INF2: variants seen among roughly 807,000 people sequenced by gnomAD.
INF2 encodes the protein inverted formin-2.
Under a neutral mutation model 123.5 loss-of-function variants are expected in INF2, and 43 were observed. The observed-to-expected ratio is 0.35, with a 90% confidence interval of 0.27 to 0.45. The LOEUF is 0.45. Ranked by LOEUF, INF2 falls within the 20% of genes least tolerant of loss-of-function variation. The pLI is 1.00. For missense variants in INF2, 1,453 were observed against 1,682.7 expected (o/e 0.86, Z 2.39); for synonymous variants, 851 against 745.0 (o/e 1.14, Z -2.32).
intron 15 of INF2, 51 bp downstream of exon 15, chr14:104,711,237 C>T: frequency 1.4e-6 from 2 of 1,448,308 alleles, no homozygotes; most frequent in Non-Finnish European, 1.9e-6. Flanking sequence ...TCCCCCCGGA[C>T]CTGGGGTGTA....
At chr14:104,706,291 T>A in intron 6 of INF2, 115 bp downstream of exon 6, 4 of 1,090,398 alleles carry the variant, frequency 3.7e-6, no homozygotes, top group African/African-American at 1.6e-5. Flanking sequence ...TGCTGTGACC[T>A]GGGCCATGGT....
rs1172906081 is a variant in INF2 at position 104,713,527 on chromosome 14, G to A, written c.2961G>A (p.Arg987=). ...LADIRKGFQL[R]KTARGRGDTD... ...ACATCAGGAAGGGCTTCCAGCTGCG[G>A]AAGACAGCCCGGGGCCGCGGGGACA... The change falls in exon 20 of 23, where the codon CGG becomes CGA. Residue 987 remains arginine, a synonymous_variant. Transcript: ENST00000392634. 1 of 1,611,600 alleles carries A rather than the reference G, an allele frequency of 6.2e-7. No individual in the cohort carries two copies. Among genetic ancestry groups the A allele is most frequent in the African/African-American group, 1.3e-5 (1 of 74,910 alleles).
At chr14:104,694,928 C>T (rs1889116214) in intron 1 of INF2, among the ~76,000 whole-genome samples, 1 of 152,174 alleles carries the variant, frequency 6.6e-6, no homozygotes, top group Admixed American at 6.5e-5. Flanking sequence ...AGGACCTGAA[C>T]CCTGAAGCCG....
intron 1 of INF2, among the ~76,000 whole-genome samples, chr14:104,696,086 C>T (rs1452222406): frequency 6.6e-6 from 1 of 152,210 alleles, no homozygotes; most frequent in Non-Finnish European, 1.5e-5. Flanking sequence ...AAATCCGTCA[C>T]CATGCGGCCT....
chr14:104,698,050 G>A (rs1009117714), intron 1 of INF2, among the ~76,000 whole-genome samples: 2 of 152,256 alleles, frequency 1.3e-5, no homozygotes, highest in African/African-American at 2.4e-5. Context: ...TGCGAAGAAC[G>A]CAAATTCCTG....
rs1890489769 is a variant in INF2, at chr14:104,720,012, A to G, written c.*1219A>G. 6.6e-6 allele frequency: 1 copy of G among 152,468 alleles called. No homozygotes were observed. Among genetic ancestry groups the G allele is most frequent in the Non-Finnish European group, 1.5e-5 (1 of 68,224 alleles). The allele number at this position is 152,468 out of a possible 1,614,324, so 9.4% of individuals were successfully genotyped here. ...GCAGATCAAGTTTGTGCAATGATCC[A>G]TTTTGAGAATCTCTCCGTCACCCCA... On this transcript the variant is annotated 3_prime_UTR_variant, in exon 23 of 23. Coordinates refer to ENST00000392634, the MANE Select transcript of INF2 (RefSeq NM_022489.4).
rs1020914793 is a variant in INF2 at position 104,699,220 on chromosome 14, G to A, written c.-9-2137G>A. Among the ~76,000 whole-genome samples the A allele has an allele frequency of 6.6e-6, 1 of 152,110 alleles. No individual in the cohort carries two copies. The highest frequency in any genetic ancestry group is 1.5e-5 in the Non-Finnish European group (1 of 68,020). On this transcript the variant is annotated intron_variant, in intron 1 of 22. Transcript: ENST00000392634. The surrounding 1 kb of genome is among the most constrained non-coding windows in gnomAD (Gnocchi z 4.7). Reference sequence around the variant, plus strand: ...GACCCCCGGGGCTCTTGGCTGGAGAGGACACTCTGGATGCCAGGGGCCGGG... The same window carrying A: ...GACCCCCGGGGCTCTTGGCTGGAGAAGACACTCTGGATGCCAGGGGCCGGG...
At chr14:104,711,878 C>T (rs893842960) in intron 16 of INF2, among the ~76,000 whole-genome samples, 179 bp downstream of exon 16, 20 of 152,200 alleles carry the variant, frequency 1.3e-4, no homozygotes, top group African/African-American at 4.3e-4. Flanking sequence ...CTGCCGTGGC[C>T]TATCCCCTTC....
chr14:104,681,485 AG>A (rs1566767076), exon 1 of INF2: 1 of 1,028,832 alleles, frequency 9.7e-7, no homozygotes. Flanking sequence ...GCTAAGCCCT[AG>A]TTACCGGCAC....
At chr14:104,716,796 T>G (rs575634762) in intron 22 of INF2, among the ~76,000 whole-genome samples, 126 of 152,328 alleles carry the variant, frequency 8.3e-4, no homozygotes, top group African/African-American at 2.8e-3. Flanking sequence ...GTTCAAGTGA[T>G]TCTCCTGCCT....
chr14:104,715,229 C>T, intron 21 of INF2, 55 bp from the exon 22 acceptor site: 1 of 1,566,094 alleles, frequency 6.4e-7, no homozygotes, highest in Non-Finnish European at 8.8e-7. Flanking sequence ...CACTCCGAGT[C>T]AGGGTTGCTT....
chr14:104,713,123 C>T (rs1255498232), intron 18 of INF2, 84 bp from the exon 19 acceptor site: 31 of 1,604,986 alleles, frequency 1.9e-5, no homozygotes, highest in Admixed American at 5.1e-5. Context: ...TGCGCTGCTG[C>T]GGCTCAGGGA....
chr14:104,699,567 G>C lies in INF2; in HGVS notation c.-9-1790G>C, dbSNP rs556473081. The stretch of plus-strand genomic sequence containing the variant: ...CCAGGACAGGGCCCAGAGTGGGTGG[G>C]CAGAGGTGGCCGGAAGGTCTTGCGC... On this transcript the variant is annotated intron_variant, in intron 1 of 22. Coordinates refer to ENST00000392634, the MANE Select transcript of INF2 (RefSeq NM_022489.4). This position sits in a 1 kb window ranked among gnomAD's most constrained non-coding sequence, Gnocchi z 4.7. The C allele has an allele frequency of 1.0e-6, 1 of 985,238 alleles. No homozygotes were observed. The highest frequency in any genetic ancestry group is 1.2e-6 in the Non-Finnish European group (1 of 829,888). 61.0% of individuals were successfully genotyped at this position (985,238 alleles called of 1,614,324 possible).
chr14:104,691,274 T>C (rs979940411), intron 1 of INF2: 2 of 152,244 alleles, frequency 1.3e-5, no homozygotes, highest in African/African-American at 4.8e-5. Context: ...GTTGGAAAAG[T>C]TATGCGGTTC....
At chr14:104,704,528 G>C (rs1481453598) in intron 5 of INF2, 1 of 167,450 alleles carries the variant, frequency 6.0e-6, no homozygotes, top group Non-Finnish European at 1.3e-5. Context: ...GATCAGCACT[G>C]CATTAGATTC....
intron 22 of INF2, chr14:104,717,449 T>TTATAATG (rs1307863496): frequency 6.6e-6 from 1 of 152,312 alleles, no homozygotes; most frequent in East Asian, 1.9e-4. Context: ...GATGTGCCAC[T>TTATAATG]TGCCCCAATA....
chr14:104,699,296 G>C lies in INF2; in HGVS notation c.-9-2061G>C. 1 of 652,870 alleles carries C rather than the reference G, an allele frequency of 1.5e-6. No homozygotes were observed. The highest frequency in any genetic ancestry group is 2.0e-5 in the African/African-American group (1 of 50,620). The allele number at this position is 652,870 out of a possible 1,614,324, so 40.4% of individuals were successfully genotyped here. A position where few individuals can be genotyped will look rare whatever the true frequency, so the allele number is the denominator to read the frequency against. ...ACTCAGCCTGTGCCAAGGGGACAGG[G>C]ACTCCGGCCAATGGAGGCGGGGGAG... On this transcript the variant is annotated intron_variant, in intron 1 of 22. Transcript: ENST00000392634. This position sits in a 1 kb window ranked among gnomAD's most constrained non-coding sequence, Gnocchi z 4.7.
chr14:104,700,953 G>A (rs934206810), intron 1 of INF2: 2 of 754,136 alleles, frequency 2.7e-6, no homozygotes, highest in African/African-American at 1.9e-5. Context: ...CCGTTTTGTC[G>A]CATCATTACC....
rs1334943240 is a variant in INF2, at chr14:104,714,390, T to C, written c.3228T>C (p.Ser1076=). ...EGGPRPLERR[S]SWYVDASDVL... is the part of the protein sequence containing the mutation. ...GTCCACGGCCCCTGGAGAGGCGTTC[T>C]TCCTGGTATGTGGATGCCAGCGATG... Residue 1076 remains serine (S), a synonymous_variant, in exon 21 of 23, where the codon TCT becomes TCC. Coordinates refer to ENST00000392634, the MANE Select transcript of INF2 (RefSeq NM_022489.4). 1 of 1,602,758 alleles carries C rather than the reference T, an allele frequency of 6.2e-7. No individual in the cohort carries two copies. The highest frequency in any genetic ancestry group is 1.3e-5 in the African/African-American group (1 of 74,676).
Sources: gnomAD v4.1 joint callset for allele counts (sites outside exome capture counted in the v4.1 genomes callset) on GRCh38, gnomAD v4.1.1 for gene constraint, Gnocchi (gnomAD v3.1) non-coding constraint, MANE v1.5 for transcripts, NCBI Gene and HGNC (gene_info 2026-07-23, HGNC 2026-07-21) for gene names.